Variants in LMX1A observed in about 807,000 individuals in gnomAD.
The protein encoded by LMX1A is LIM homeobox transcription factor 1-alpha.
Under a neutral mutation model 49.1 loss-of-function variants are expected in LMX1A, and 15 were observed. The ratio of observed to expected loss-of-function variants is 0.31; its 90% CI spans 0.20 to 0.47. The LOEUF is 0.47. Ranked by LOEUF, LMX1A falls within the 20% of genes least tolerant of loss-of-function variation. The pLI is 1.00. For synonymous variants in LMX1A, 167 were observed against 185.7 expected (o/e 0.90, Z 0.82); for missense variants, 372 against 475.8 (o/e 0.78, Z 2.03).
At chr1:165,212,645 T>C (rs1309891172) in intron 5 of LMX1A, among the ~76,000 whole-genome samples, 1 of 152,224 alleles carries the variant, frequency 6.6e-6, no homozygotes, top group Non-Finnish European at 1.5e-5. Context: ...TTTCTTTTTA[T>C]CATGTAAAAG....
At chr1:165,259,032 TA>T (rs1653342954) in intron 3 of LMX1A, among the ~76,000 whole-genome samples, 1 of 152,242 alleles carries the variant, frequency 6.6e-6, no homozygotes, top group African/African-American at 2.4e-5. Flanking sequence ...TAGTAGCCAT[TA>T]ACTCCCTTTA....
chr1:165,321,405 T>G (rs1044646939), intron 3 of LMX1A, among the ~76,000 whole-genome samples: 6 of 152,206 alleles, frequency 3.9e-5, no homozygotes, highest in Non-Finnish European at 5.9e-5. Context: ...TTTTATGGTA[T>G]GTCAATTATA....
intron 3 of LMX1A, among the ~76,000 whole-genome samples, chr1:165,292,994 G>GT (rs1315330646): frequency 1.3e-5 from 2 of 152,078 alleles, no homozygotes; most frequent in East Asian, 3.9e-4. Flanking sequence ...GTGCATGCCT[G>GT]TAATCCCAGC....
intron 3 of LMX1A, among the ~76,000 whole-genome samples, chr1:165,296,836 T>C (rs1654635051): frequency 6.6e-6 from 1 of 152,282 alleles, no homozygotes; most frequent in Non-Finnish European, 1.5e-5. Flanking sequence ...CTTTCCATTA[T>C]TGTGTATATT....
At chr1:165,222,448 G>A (rs988045363) in intron 4 of LMX1A, among the ~76,000 whole-genome samples, 2 of 152,204 alleles carry the variant, frequency 1.3e-5, no homozygotes, top group Non-Finnish European at 2.9e-5. Context: ...TCTCTTTGGA[G>A]TAGTCCAATT....
intron 4 of LMX1A, among the ~76,000 whole-genome samples, chr1:165,226,664 G>A (rs1652046764): frequency 6.6e-6 from 1 of 152,214 alleles, no homozygotes; most frequent in African/African-American, 2.4e-5. Context: ...TAACCTTGCT[G>A]TCAGGTTCTA....
At chr1:165,332,415 A>C (rs1655774268) in intron 3 of LMX1A, among the ~76,000 whole-genome samples, 1 of 152,228 alleles carries the variant, frequency 6.6e-6, no homozygotes, top group African/African-American at 2.4e-5. Context: ...ACTTTAAAAA[A>C]ACAAAGATTA....
intron 4 of LMX1A, among the ~76,000 whole-genome samples, chr1:165,233,030 C>T (rs1652289605): frequency 6.6e-6 from 1 of 152,160 alleles, no homozygotes; most frequent in African/African-American, 2.4e-5. Context: ...CTTTATTGCA[C>T]CCTTACTTTG....
chr1:165,225,490 ATTAG>A (rs1306813835), intron 4 of LMX1A, among the ~76,000 whole-genome samples: 3 of 152,224 alleles, frequency 2.0e-5, no homozygotes. Flanking sequence ...ACTTTGTGTA[ATTAG>A]TTAGCCTTGA....
rs571533618 is a variant in LMX1A, at chr1:165,355,102, G to A, written c.76+382C>T. 1.2e-4 allele frequency among the ~76,000 whole-genome samples: 18 copies of A among 152,334 alleles called. No individual in the cohort carries two copies. The South Asian group carries it at 3.7e-3, about 32-fold the overall frequency. On this transcript the variant is annotated intron_variant, in intron 2 of 8. Coordinates refer to ENST00000342310, the MANE Select transcript of LMX1A (RefSeq NM_177398.4). This position sits in a 1 kb window ranked among gnomAD's most constrained non-coding sequence, Gnocchi z 4.7. ...GCCTCCTCGAACTTGGGCGCTCCAGGCCTCGGGTCTCGGATGCTATTGCCT... is the reference window on the plus strand; with the variant it reads ...GCCTCCTCGAACTTGGGCGCTCCAGACCTCGGGTCTCGGATGCTATTGCCT...
chr1:165,289,312 A>T (rs1296385340), intron 3 of LMX1A, among the ~76,000 whole-genome samples: 1 of 151,746 alleles, frequency 6.6e-6, no homozygotes, highest in Non-Finnish European at 1.5e-5. Flanking sequence ...GGCACTACAG[A>T]TCTAGTTATC....
chr1:165,353,309 A>C, intron 2 of LMX1A, 47 bp from the exon 3 acceptor site: 2 of 1,516,814 alleles, frequency 1.3e-6, no homozygotes, highest in Non-Finnish European at 1.8e-6. Context: ...GGGCAGGTAG[A>C]CCATGCCAAA....
chr1:165,319,838 T>C (rs1571221085), intron 3 of LMX1A, among the ~76,000 whole-genome samples: 1 of 152,118 alleles, frequency 6.6e-6, no homozygotes, highest in South Asian at 2.1e-4. Context: ...TTATTTTCAT[T>C]TCTTTATATT....
At chr1:165,337,155 C>G (rs1655922103) in intron 3 of LMX1A, among the ~76,000 whole-genome samples, 1 of 152,108 alleles carries the variant, frequency 6.6e-6, no homozygotes, top group South Asian at 2.1e-4. Context: ...ATAGTAGTTG[C>G]TCAATAAGTA....
At chr1:165,221,974 C>G (rs752645809) in intron 4 of LMX1A, among the ~76,000 whole-genome samples, 1 of 152,012 alleles carries the variant, frequency 6.6e-6, no homozygotes, top group African/African-American at 2.4e-5. Flanking sequence ...CTTTCTCTCT[C>G]TCTCCATCAT....
chr1:165,292,178 A>G (rs1260876439), intron 3 of LMX1A, among the ~76,000 whole-genome samples: 1 of 152,118 alleles, frequency 6.6e-6, no homozygotes, highest in African/African-American at 2.4e-5. Flanking sequence ...AAAGACTGCC[A>G]AAGTGAACCA....
At chr1:165,233,620 C>T (rs1022687610) in intron 4 of LMX1A, among the ~76,000 whole-genome samples, 4 of 152,322 alleles carry the variant, frequency 2.6e-5, no homozygotes, top group Admixed American at 2.0e-4. Flanking sequence ...CATGCCCCAC[C>T]CGAATTTTAT....
intron 4 of LMX1A, among the ~76,000 whole-genome samples, chr1:165,224,906 T>C (rs565927906): frequency 1.3e-5 from 2 of 152,220 alleles, no homozygotes; most frequent in Non-Finnish European, 2.9e-5. Context: ...CACATTGATA[T>C]TGATGCTACC....
chr1:165,204,171 A>G (rs1650969749), intron 8 of LMX1A, 131 bp from the exon 9 acceptor site: 1 of 943,884 alleles, frequency 1.1e-6, no homozygotes, highest in African/African-American at 1.7e-5. Flanking sequence ...CAAAAAGTCT[A>G]TATTCTCTTT....
Sources: gnomAD v4.1 joint callset for allele counts (sites outside exome capture counted in the v4.1 genomes callset) on GRCh38, gnomAD v4.1.1 for gene constraint, Gnocchi (gnomAD v3.1) non-coding constraint, MANE v1.5 for transcripts, NCBI Gene and HGNC (gene_info 2026-07-23, HGNC 2026-07-21) for gene names.